INO80D: variants seen among roughly 807,000 people sequenced by gnomAD.
The protein encoded by INO80D is INO80 complex subunit D.
INO80D carries 21 observed loss-of-function variants against 87.6 expected under a neutral mutation model. The ratio of observed to expected loss-of-function variants is 0.24; its 90% CI spans 0.17 to 0.35. The LOEUF is 0.35. INO80D is among the 10% of genes least tolerant of loss of function. The probability of loss-of-function intolerance (pLI) is 1.00; values close to 1 mark genes in which losing one functional copy is unlikely to be tolerated. For synonymous variants in INO80D, 440 were observed against 491.0 expected, an observed-to-expected ratio of 0.90 and a Z score of 1.37; for missense variants, 982 against 1,280.7, an observed-to-expected ratio of 0.77 and a Z score of 3.56.
At chr2:206,069,935 A>G (rs1462113918) in intron 1 of INO80D, among the ~76,000 whole-genome samples, 1 of 152,108 alleles carries the variant, frequency 6.6e-6, no homozygotes, top group Non-Finnish European at 1.5e-5. Flanking sequence ...CTTTCCCCGA[A>G]AAGAGCAGAT....
intron 7 of INO80D, among the ~76,000 whole-genome samples, chr2:206,018,096 C>T (rs934953478): frequency 5.3e-5 from 8 of 152,118 alleles, no homozygotes; most frequent in Admixed American, 3.3e-4. Flanking sequence ...GGGCCATTTC[C>T]TTCTTAACAT....
At chr2:206,072,699 T>C (rs2105903038) in intron 1 of INO80D, among the ~76,000 whole-genome samples, 1 of 152,312 alleles carries the variant, frequency 6.6e-6, no homozygotes, top group South Asian at 2.1e-4. Context: ...TCTCAGTACT[T>C]GCTATCATTA....
chr2:206,019,148 T>A (rs1368009773), intron 7 of INO80D, among the ~76,000 whole-genome samples: 1 of 152,224 alleles, frequency 6.6e-6, no homozygotes, highest in African/African-American at 2.4e-5. Flanking sequence ...TATTTTTACA[T>A]GCTACCTGAT....
intron 5 of INO80D, among the ~76,000 whole-genome samples, chr2:206,033,760 GAAAC>G: frequency 6.6e-6 from 1 of 152,076 alleles, no homozygotes; most frequent in African/African-American, 2.4e-5. Context: ...AAATGAAATT[GAAAC>G]AAACAAACAA....
At chr2:206,077,442 T>C (rs1690150749) in intron 1 of INO80D, among the ~76,000 whole-genome samples, 1 of 152,198 alleles carries the variant, frequency 6.6e-6, no homozygotes, top group Admixed American at 6.5e-5. Context: ...TCTCCAGCTG[T>C]TAGTGGTTTT....
At chr2:206,032,906 T>C (rs1426175693) in intron 5 of INO80D, among the ~76,000 whole-genome samples, 1 of 151,820 alleles carries the variant, frequency 6.6e-6, no homozygotes, top group Non-Finnish European at 1.5e-5. Flanking sequence ...AAAACAAAAA[T>C]ACAAGTTAGA....
intron 8 of INO80D, among the ~76,000 whole-genome samples, chr2:206,012,689 A>G (rs552470336): frequency 6.6e-6 from 1 of 152,060 alleles, no homozygotes; most frequent in South Asian, 2.1e-4. Flanking sequence ...CCAACATGGT[A>G]AAACCCCATG....
At chr2:206,054,663 A>C (rs1689466644) in intron 4 of INO80D, among the ~76,000 whole-genome samples, 1 of 151,920 alleles carries the variant, frequency 6.6e-6, no homozygotes, top group Admixed American at 6.6e-5. Context: ...TCAGGTATGC[A>C]CCACCACACC....
rs199716348 is a variant in INO80D at position 206,020,606 on chromosome 2, AT to A, written c.1299-762del. ...GTGCAATCCATGTTTCATTATTTAA[AT>A]TTTTTTTTATCTCCACTTTGTACAC... On this transcript the variant is annotated intron_variant, in intron 6 of 10. Coordinates refer to ENST00000403263, the MANE Select transcript of INO80D (RefSeq NM_017759.5). Among the ~76,000 whole-genome samples the A allele has an allele frequency of 6.8e-3, 1,028 of 151,810 alleles. 3 individuals are homozygous for A. Among genetic ancestry groups the A allele is most frequent in the Admixed American group, 0.014 (218 of 15,206 alleles).
chr2:206,079,903 A>C (rs990718783), intron 1 of INO80D, among the ~76,000 whole-genome samples: 1 of 152,184 alleles, frequency 6.6e-6, no homozygotes, highest in Non-Finnish European at 1.5e-5. Flanking sequence ...TTTTGTCCCT[A>C]AACTTTGATT....
chr2:206,004,426 G>C lies in INO80D; in HGVS notation c.3026C>G (p.Thr1009Arg). Residue 1009 changes from threonine (T) to arginine (R), a missense_variant, in exon 11 of 11, where the codon ACA becomes AGA. By Grantham distance (71) the Thr-to-Arg change is moderately conservative. Coordinates refer to ENST00000403263, the MANE Select transcript of INO80D (RefSeq NM_017759.5). The surrounding 1 kb of genome is among the most constrained non-coding windows in gnomAD (Gnocchi z 4.9). ...ATTGGTACTTGTAGCTGTGGCACCT[G>C]TTACTGTGAAGCCTGTAGGAGGGGC... is the stretch of plus-strand genomic sequence containing the variant. ...SIAPPTGFTVTGATATSTNNA... is the reference protein window; with the variant it reads ...SIAPPTGFTVRGATATSTNNA... 6.2e-7 allele frequency: 1 copy of C among 1,604,500 alleles called. No homozygotes were observed. The highest frequency in any genetic ancestry group is 8.5e-7 in the Non-Finnish European group (1 of 1,175,596).
chr2:206,063,032 C>T lies in INO80D; in HGVS notation c.-16G>A, dbSNP rs1291812704. The T allele has an allele frequency of 2.6e-6, 4 of 1,566,530 alleles. No individual in the cohort carries two copies. On this transcript the variant is annotated 5_prime_UTR_variant, in exon 3 of 11. Coordinates refer to ENST00000403263, the MANE Select transcript of INO80D (RefSeq NM_017759.5). ...CTTCATACATCACGTGACTCTATTCCTTGTGAACATCAGCTAAAAGGCCAC... is the reference window on the plus strand; with the variant it reads ...CTTCATACATCACGTGACTCTATTCTTTGTGAACATCAGCTAAAAGGCCAC...
chr2:206,063,835 A>G (rs1367774385), intron 1 of INO80D, among the ~76,000 whole-genome samples: 2 of 152,184 alleles, frequency 1.3e-5, no homozygotes, highest in African/African-American at 2.4e-5. Flanking sequence ...TCTCTTTTTC[A>G]TTACTGATGT....
intron 1 of INO80D, among the ~76,000 whole-genome samples, chr2:206,077,156 A>C (rs2105908839): frequency 6.6e-6 from 1 of 152,204 alleles, no homozygotes; most frequent in Admixed American, 6.5e-5. Context: ...GGGCGCCTGT[A>C]GTCCCAGCTA....
At chr2:206,058,275 C>T (rs189445321) in intron 3 of INO80D, among the ~76,000 whole-genome samples, 6 of 151,802 alleles carry the variant, frequency 4.0e-5, no homozygotes, top group African/African-American at 1.4e-4. Flanking sequence ...AAAAATTAGC[C>T]GGGCGTGGTG....
chr2:206,009,507 C>T, intron 9 of INO80D, 70 bp downstream of exon 9: 2 of 1,292,608 alleles, frequency 1.5e-6, no homozygotes, highest in Non-Finnish European at 2.2e-6. Context: ...ACAATAACCA[C>T]ATGAAGCTAG....
In INO80D at chr2:206,079,113, C is replaced by T. The variant is rs538116704; in HGVS notation, c.-124+6788G>A. On this transcript the variant is annotated intron_variant, in intron 1 of 10. Transcript: ENST00000403263. ...TCTGAGTTAAGTTCTCCCTTTGCCACCCAGGCTGAAGTGCAGTGGTGTGAT... is the reference window on the plus strand; with the variant it reads ...TCTGAGTTAAGTTCTCCCTTTGCCATCCAGGCTGAAGTGCAGTGGTGTGAT... Among the ~76,000 whole-genome samples the T allele has an allele frequency of 2.0e-5, 3 of 152,050 alleles. No individual in the cohort carries two copies. In the East Asian group the frequency reaches 5.8e-4, roughly 29 times the overall value.
rs1687789055 is a variant in INO80D at position 205,995,256 on chromosome 2, T to G, written c.*9112A>C. The G allele has an allele frequency of 6.6e-6, 1 of 152,170 alleles. No homozygotes were observed. The highest frequency in any genetic ancestry group is 2.4e-5 in the African/African-American group (1 of 41,440). The allele number at this position is 152,170 out of a possible 1,614,324, so 9.4% of individuals were successfully genotyped here. On this transcript the variant is annotated 3_prime_UTR_variant, in exon 11 of 11. Coordinates refer to ENST00000403263, the MANE Select transcript of INO80D (RefSeq NM_017759.5). ...ATGCACAAAGCTCCTCAAGTGAATC[T>G]CCAGCTCTTTCTTACTCTCATGGGA...
intron 3 of INO80D, among the ~76,000 whole-genome samples, chr2:206,057,265 T>C (rs531238585): frequency 6.6e-6 from 1 of 152,200 alleles, no homozygotes; most frequent in Non-Finnish European, 1.5e-5. Flanking sequence ...GCATACAAAG[T>C]AACTCATCAA....
Sources: gnomAD v4.1 joint callset for allele counts (sites outside exome capture counted in the v4.1 genomes callset) on GRCh38, gnomAD v4.1.1 for gene constraint, Gnocchi (gnomAD v3.1) non-coding constraint, MANE v1.5 for transcripts, NCBI Gene and HGNC (gene_info 2026-07-23, HGNC 2026-07-21) for gene names.